TBX18: variants seen among roughly 807,000 people sequenced by gnomAD.
The protein encoded by TBX18 is T-box transcription factor TBX18.
In TBX18, 21 loss-of-function variants were observed where a neutral mutation model predicts 55.0. The observed-to-expected ratio is 0.38, with a 90% CI of 0.27 to 0.55. The LOEUF (loss-of-function observed/expected upper bound fraction) is 0.55, where lower values mean the gene tolerates loss of function less well. TBX18 is among the 20% of genes least tolerant of loss of function. The pLI is 0.73. For missense variants in TBX18, 840 were observed against 799.6 expected, an observed-to-expected ratio of 1.05 and a Z score of -0.61; for synonymous variants, 342 against 326.1, an observed-to-expected ratio of 1.05 and a Z score of -0.53.
At chr6:84,739,429 A>T (rs532046666) in intron 6 of TBX18, among the ~76,000 whole-genome samples, 10 of 152,318 alleles carry the variant, frequency 6.6e-5, no homozygotes, top group Non-Finnish European at 1.2e-4. Context: ...TGAATGATTC[A>T]GAGACTTCCC....
chr6:84,738,670 A>T, intron 6 of TBX18, 79 bp from the exon 7 acceptor site: 1 of 1,064,130 alleles, frequency 9.4e-7, no homozygotes, highest in Non-Finnish European at 1.5e-6. Context: ...AGCAGCAAGC[A>T]TCTCAAAACA....
At chr6:84,744,046 C>A (rs987036981) in intron 6 of TBX18, among the ~76,000 whole-genome samples, 1 of 152,248 alleles carries the variant, frequency 6.6e-6, no homozygotes, top group East Asian at 1.9e-4. Flanking sequence ...CTGAGAGCTT[C>A]GATTTTCAGC....
intron 5 of TBX18, among the ~76,000 whole-genome samples, chr6:84,747,479 G>T (rs1399978522): frequency 1.3e-5 from 2 of 152,154 alleles, no homozygotes; most frequent in African/African-American, 4.8e-5. Context: ...TATCTTGAAA[G>T]AAATAGCCCT....
In TBX18 at chr6:84,735,511, T is replaced by A. The variant is rs1773913915; in HGVS notation, c.*1174A>T. On this transcript the variant is annotated 3_prime_UTR_variant, in exon 8 of 8. Transcript: ENST00000369663. ...CTCCCAAAAGACAGATTGCTGGAGATAACCTACTGAAATTCCTCACCGTGT... is the reference window on the plus strand; with the variant it reads ...CTCCCAAAAGACAGATTGCTGGAGAAAACCTACTGAAATTCCTCACCGTGT... The A allele has an allele frequency of 6.6e-6, 1 of 152,184 alleles. No individual in the cohort carries two copies. The highest frequency in any genetic ancestry group is 1.5e-5 in the Non-Finnish European group (1 of 68,034). 9.4% of individuals were successfully genotyped at this position (152,184 alleles called of 1,614,324 possible).
chr6:84,757,205 C>T (rs116855191), intron 3 of TBX18, among the ~76,000 whole-genome samples: 103 of 152,210 alleles, frequency 6.8e-4, no homozygotes, highest in Non-Finnish European at 1.4e-3. Flanking sequence ...AATATTCCAT[C>T]GACACGAAAA....
intron 4 of TBX18, among the ~76,000 whole-genome samples, chr6:84,750,824 T>C (rs1442687002): frequency 1.3e-5 from 2 of 152,208 alleles, no homozygotes; most frequent in African/African-American, 2.4e-5. Flanking sequence ...TAACACACTC[T>C]TTTAATATAA....
chr6:84,750,381 A>G (rs1211148663), intron 4 of TBX18, among the ~76,000 whole-genome samples: 1 of 151,950 alleles, frequency 6.6e-6, no homozygotes, highest in African/African-American at 2.4e-5. Flanking sequence ...AGACATGTGG[A>G]CCCAGTAGAT....
intron 4 of TBX18, among the ~76,000 whole-genome samples, chr6:84,750,052 G>A (rs1485448308): frequency 1.3e-5 from 2 of 152,054 alleles, no homozygotes; most frequent in Non-Finnish European, 2.9e-5. Context: ...TTGGGAGGCC[G>A]AGGTGGGTGG....
intron 5 of TBX18, among the ~76,000 whole-genome samples, chr6:84,744,665 T>A (rs1223705009): frequency 1.3e-5 from 2 of 152,178 alleles, no homozygotes; most frequent in Admixed American, 1.3e-4. Context: ...GAACTGAAGT[T>A]CTTCCCTTTA....
intron 4 of TBX18, among the ~76,000 whole-genome samples, chr6:84,750,513 T>C (rs1384588551): frequency 2.0e-5 from 3 of 152,094 alleles, no homozygotes; most frequent in African/African-American, 7.2e-5. Context: ...CTGTGTGACA[T>C]TACATTACAT....
At position 84,736,424 on chromosome 6, in the gene TBX18, C is replaced by T; in HGVS notation, c.*261G>A. Reference sequence around the variant, plus strand: ...GAACTTTGCTTAAACATACTACACGCATGCCAATACTCCGTGCAACTGGAT... The same window carrying T: ...GAACTTTGCTTAAACATACTACACGTATGCCAATACTCCGTGCAACTGGAT... On this transcript the variant is annotated 3_prime_UTR_variant, in exon 8 of 8. Transcript: ENST00000369663. The T allele has an allele frequency of 3.4e-6, 1 of 296,660 alleles. No homozygotes were observed. The highest frequency in any genetic ancestry group is 6.1e-6 in the Non-Finnish European group (1 of 164,328). The allele number at this position is 296,660 out of a possible 1,614,324, so 18.4% of individuals were successfully genotyped here.
chr6:84,744,469 T>C, intron 5 of TBX18, 144 bp from the exon 6 acceptor site: 1 of 623,166 alleles, frequency 1.6e-6, no homozygotes, highest in East Asian at 2.9e-5. Context: ...TATTTTAATA[T>C]CCTAGCAGTA....
rs1773832468 is a variant in TBX18 at position 84,732,577 on chromosome 6, A to T, written c.*4108T>A. On this transcript the variant is annotated 3_prime_UTR_variant, in exon 8 of 8. Coordinates refer to ENST00000369663, the MANE Select transcript of TBX18 (RefSeq NM_001080508.3). ...TAATAGACTGCTATACTTATTTCAA[A>T]ACAAAATAATTTAATGCCATGCAAT... The T allele has an allele frequency of 6.6e-6, 1 of 152,132 alleles. No individual in the cohort carries two copies. The highest frequency in any genetic ancestry group is 1.5e-5 in the Non-Finnish European group (1 of 67,970). 9.4% of individuals were successfully genotyped at this position (152,132 alleles called of 1,614,324 possible). A position where few individuals can be genotyped will look rare whatever the true frequency, so the allele number is the denominator to read the frequency against.
intron 4 of TBX18, among the ~76,000 whole-genome samples, chr6:84,756,347 TA>T (rs1345255795): frequency 6.6e-6 from 1 of 152,216 alleles, no homozygotes; most frequent in Non-Finnish European, 1.5e-5. Context: ...CAGGACACAA[TA>T]AATCATTATC....
At position 84,763,961 on chromosome 6, in the gene TBX18, G is replaced by T; in HGVS notation, c.221C>A (p.Ala74Glu). 1 of 1,579,498 alleles carries T rather than the reference G, an allele frequency of 6.3e-7. No individual in the cohort carries two copies. The highest frequency in any genetic ancestry group is 8.6e-7 in the Non-Finnish European group (1 of 1,168,852). Residue 74 changes from alanine (A) to glutamate (E), a missense_variant, in exon 1 of 8, where the codon GCG (alanine) becomes GAG (glutamate). By Grantham distance (107) the Ala-to-Glu change is moderately radical (BLOSUM62 -1). Transcript: ENST00000369663. ...KGSSEGDEGA[A>E]LPPPAGATSG... ...CGTCGCCCCAGCCGGCGGCGGGAGC[G>T]CAGCGCCTTCGTCTCCCTCAGAAGA...
chr6:84,762,080 C>T (rs1767661993), intron 2 of TBX18, among the ~76,000 whole-genome samples: 2 of 151,938 alleles, frequency 1.3e-5, no homozygotes, highest in Non-Finnish European at 2.9e-5. Context: ...GATAAAGAAC[C>T]AATCTGCCTG....
Position 84,761,568 on chromosome 6 carries a change from A to C in TBX18, c.497+976T>G, listed in dbSNP as rs139659870. 2.9e-3 allele frequency among the ~76,000 whole-genome samples: 445 copies of C among 152,324 alleles called. 3 individuals are homozygous for C. The highest frequency in any genetic ancestry group is 9.8e-3 in the African/African-American group (406 of 41,580). On this transcript the variant is annotated intron_variant, in intron 2 of 7. Coordinates refer to ENST00000369663, the MANE Select transcript of TBX18 (RefSeq NM_001080508.3). ...ATATGTTTTTTTGTAATTTCTAATA[A>C]GTTTGGATACTTTTTATGCTATCCA...
chr6:84,743,815 T>C (rs1185077475), intron 6 of TBX18, among the ~76,000 whole-genome samples: 1 of 152,214 alleles, frequency 6.6e-6, no homozygotes, highest in Non-Finnish European at 1.5e-5. Flanking sequence ...TCAGCTCTCT[T>C]GGCAATGGAG....
intron 1 of TBX18, chr6:84,763,180 C>T (rs890622189): frequency 1.7e-5 from 6 of 357,304 alleles, no homozygotes; most frequent in African/African-American, 6.4e-5. Context: ...CAAAAGCGCC[C>T]GGACTCTGGT....
Sources: gnomAD v4.1 joint callset for allele counts (sites outside exome capture counted in the v4.1 genomes callset) on GRCh38, gnomAD v4.1.1 for gene constraint, MANE v1.5 for transcripts, NCBI Gene and HGNC (gene_info 2026-07-23, HGNC 2026-07-21) for gene names.